Variants in SIK3 observed in about 807,000 individuals in gnomAD.
The protein encoded by SIK3 is serine/threonine-protein kinase SIK3.
Under a neutral mutation model 144.2 loss-of-function variants are expected in SIK3, and 28 were observed. That is an observed-to-expected ratio of 0.19 (90% CI 0.14 to 0.27). The LOEUF (loss-of-function observed/expected upper bound fraction) is 0.27. Ranked by LOEUF, SIK3 falls within the 10% of genes least tolerant of loss-of-function variation. The pLI, the probability that SIK3 is intolerant of heterozygous loss-of-function variation, is 1.00. For synonymous variants in SIK3, 686 were observed against 676.3 expected (o/e 1.01, Z -0.22); for missense variants, 1,319 against 1,776.0 (o/e 0.74, Z 4.62).
intron 19 of SIK3, among the ~76,000 whole-genome samples, chr11:116,861,072 G>A: frequency 6.6e-6 from 1 of 152,204 alleles, no homozygotes; most frequent in Non-Finnish European, 1.5e-5. Context: ...AATTCAAGAA[G>A]TCAAGTTAAC....
At chr11:116,968,950 C>T (rs1464175566) in intron 1 of SIK3, among the ~76,000 whole-genome samples, 1 of 152,050 alleles carries the variant, frequency 6.6e-6, no homozygotes, top group African/African-American at 2.4e-5. Context: ...TAATTCATTG[C>T]CAATGAGATC....
intron 1 of SIK3, among the ~76,000 whole-genome samples, chr11:116,957,905 C>T (rs2135405696): frequency 6.6e-6 from 1 of 152,270 alleles, no homozygotes; most frequent in South Asian, 2.1e-4. Context: ...ACATATCTTT[C>T]CAATGTGCCC....
At chr11:117,083,286 C>T (rs1267090796) in intron 1 of SIK3, among the ~76,000 whole-genome samples, 2 of 152,024 alleles carry the variant, frequency 1.3e-5, no homozygotes, top group Non-Finnish European at 2.9e-5. Context: ...GGTCAAAGGC[C>T]AATGAGTAAC....
At chr11:117,043,407 G>A (rs958357086) in intron 1 of SIK3, among the ~76,000 whole-genome samples, 2 of 152,070 alleles carry the variant, frequency 1.3e-5, no homozygotes, top group African/African-American at 4.8e-5. Flanking sequence ...TTACACTGCA[G>A]TCTCCCCACT....
chr11:116,902,872 C>G (rs1158284433), intron 4 of SIK3, among the ~76,000 whole-genome samples: 1 of 152,176 alleles, frequency 6.6e-6, no homozygotes, highest in African/African-American at 2.4e-5. Context: ...CTTTCTTTAA[C>G]GTACCAAACC....
chr11:116,954,476 C>CA (rs375861538), intron 2 of SIK3, among the ~76,000 whole-genome samples: 24,702 of 124,776 alleles, frequency 0.2, 2,190 homozygotes, highest in African/African-American at 0.26. Context: ...CCTATCAAAT[C>CA]AAAAAAAAAA....
At chr11:117,016,122 T>A (rs1951513259) in intron 1 of SIK3, 1 of 151,788 alleles carries the variant, frequency 6.6e-6, no homozygotes, top group African/African-American at 2.4e-5. Context: ...GGCCAGGAGT[T>A]CAAGGCAAGC....
intron 1 of SIK3, among the ~76,000 whole-genome samples, chr11:117,046,659 A>C (rs1458300897): frequency 6.6e-6 from 1 of 152,150 alleles, no homozygotes; most frequent in African/African-American, 2.4e-5. Context: ...GAGGTGGATC[A>C]CTTGGGCCAA....
At chr11:116,908,009 G>T (rs892673751) in intron 4 of SIK3, among the ~76,000 whole-genome samples, 1 of 148,384 alleles carries the variant, frequency 6.7e-6, no homozygotes, top group Non-Finnish European at 1.5e-5. Context: ...AAAAAAGCAG[G>T]TATCTTTACG....
Position 116,861,347 on chromosome 11 carries a change from G to A in SIK3, c.2352C>T (p.His784=), listed in dbSNP as rs1943313105. 8 of 1,595,970 alleles carry A rather than the reference G, an allele frequency of 5.0e-6. No homozygotes were observed. Among genetic ancestry groups the A allele is most frequent in the African/African-American group, 1.4e-5 (1 of 73,216 alleles). Residue 784 remains histidine (H), a synonymous_variant, in exon 19 of 25, where the codon CAC becomes CAT. Transcript: ENST00000445177. ...RIQPSSPPPN[H]PNNHLFRQPS... ...GCTGCCTGAAGAGATGGTTGTTGGG[G>A]TGGTTGGGGGGTGGGCTTGAAGGCT...
chr11:117,026,561 C>A (rs1952018772), intron 1 of SIK3, among the ~76,000 whole-genome samples: 2 of 152,182 alleles, frequency 1.3e-5, no homozygotes, highest in African/African-American at 4.8e-5. Flanking sequence ...TCAGCATGTA[C>A]ATATTGATCA....
intron 1 of SIK3, among the ~76,000 whole-genome samples, chr11:117,018,725 T>A (rs7128865): frequency 1.4e-4 from 21 of 151,046 alleles, no homozygotes; most frequent in Admixed American, 4.0e-4. Context: ...TATTTATTTT[T>A]TTTTTTTGAA....
intron 1 of SIK3, among the ~76,000 whole-genome samples, chr11:116,959,789 C>T (rs1949275817): frequency 6.6e-6 from 1 of 152,128 alleles, no homozygotes; most frequent in Non-Finnish European, 1.5e-5. Flanking sequence ...TCTGACTTAC[C>T]ATATTTTCAA....
chr11:117,063,190 T>C (rs1338385408), intron 1 of SIK3, among the ~76,000 whole-genome samples: 2 of 152,212 alleles, frequency 1.3e-5, no homozygotes, highest in African/African-American at 4.8e-5. Flanking sequence ...ATTAAAGTGA[T>C]ATAAACTACC....
intron 6 of SIK3, among the ~76,000 whole-genome samples, chr11:116,884,289 T>C (rs1268119987): frequency 6.6e-6 from 1 of 151,702 alleles, no homozygotes; most frequent in Non-Finnish European, 1.5e-5. Context: ...TGGGCTCAAG[T>C]GATCCTCCTG....
chr11:116,999,240 T>G (rs1372866234), intron 1 of SIK3, among the ~76,000 whole-genome samples: 1 of 152,250 alleles, frequency 6.6e-6, no homozygotes, highest in African/African-American at 2.4e-5. Context: ...TCAGTTGATA[T>G]ACTTCACTTG....
intron 1 of SIK3, among the ~76,000 whole-genome samples, chr11:117,031,371 T>C (rs1199104973): frequency 6.6e-6 from 1 of 151,386 alleles, no homozygotes; most frequent in Admixed American, 6.6e-5. Context: ...TTTTCCTTTT[T>C]TTTTTTTTGT....
chr11:116,896,352 G>T lies in SIK3; in HGVS notation c.766C>A (p.Leu256Ile). Residue 256 changes from leucine (L) to isoleucine (I), a missense_variant, in exon 6 of 25, where the codon CTT (leucine) becomes ATT (isoleucine). Physicochemically the swap from Leu to Ile is conservative, Grantham distance 5 (BLOSUM62 2). This residue lies in a region of SIK3 where 125 missense variants were observed against 285.2 expected (regional missense o/e 0.44). Coordinates refer to ENST00000445177, the MANE Select transcript of SIK3 (RefSeq NM_001366686.3). ...IWSLGVVLYV[L>I]VCGALPFDGS... ...TCAAATGGCAGGGCACCGCACACAA[G>T]CACGTAGAGGACAACTCCAAGGCTC... 1.9e-6 allele frequency: 3 copies of T among 1,613,988 alleles called. No homozygotes were observed. The highest frequency in any genetic ancestry group is 2.5e-6 in the Non-Finnish European group (3 of 1,179,904).
intron 1 of SIK3, among the ~76,000 whole-genome samples, chr11:116,989,086 T>C (rs1666183295): frequency 6.6e-6 from 1 of 152,024 alleles, no homozygotes; most frequent in South Asian, 2.1e-4. Flanking sequence ...AGAACACAGA[T>C]GGAAAAAAAC....
Sources: gnomAD v4.1 joint callset for allele counts (sites outside exome capture counted in the v4.1 genomes callset) on GRCh38, gnomAD v4.1.1 for gene constraint, gnomAD v4.1.1 regional missense constraint, MANE v1.5 for transcripts, NCBI Gene and HGNC (gene_info 2026-07-23, HGNC 2026-07-21) for gene names.